IL16: variants seen among roughly 807,000 people sequenced by gnomAD.
IL16 encodes pro-interleukin-16.
A neutral mutation model predicts 110.1 loss-of-function variants in IL16; 67 were observed. That is an observed-to-expected ratio of 0.61 (90% CI 0.50 to 0.75). The LOEUF (loss-of-function observed/expected upper bound fraction) is 0.75. Among genes scored for constraint, IL16 ranks in the 30% least tolerant of loss-of-function variants. IL16 has a pLI of 0.00. For synonymous variants in IL16, 689 were observed against 662.9 expected, an observed-to-expected ratio of 1.04 and a Z score of -0.61; for missense variants, 1,545 against 1,655.0, an observed-to-expected ratio of 0.93 and a Z score of 1.15.
chr15:81,293,537 C>A (rs541976178), intron 12 of IL16, among the ~76,000 whole-genome samples: 2 of 152,254 alleles, frequency 1.3e-5, no homozygotes, highest in Non-Finnish European at 2.9e-5. Flanking sequence ...CCTGTCTCTA[C>A]TAACAATACA....
chr15:81,221,484 T>C (rs1369813470), intron 1 of IL16, among the ~76,000 whole-genome samples: 4 of 152,162 alleles, frequency 2.6e-5, no homozygotes, highest in Non-Finnish European at 5.9e-5. Context: ...TTTGGTTCCA[T>C]TAGGGAGCAA....
intron 1 of IL16, among the ~76,000 whole-genome samples, chr15:81,199,457 G>A (rs1895730255): frequency 6.6e-6 from 1 of 152,248 alleles, no homozygotes; most frequent in Non-Finnish European, 1.5e-5. Flanking sequence ...CACATCTGGA[G>A]ATGCTGGAGG....
intron 2 of IL16, among the ~76,000 whole-genome samples, chr15:81,230,707 A>G (rs776337523): frequency 5.9e-5 from 9 of 152,140 alleles, no homozygotes; most frequent in Non-Finnish European, 1.0e-4. Flanking sequence ...ATATTCCACA[A>G]TAATAGGATT....
intron 1 of IL16, among the ~76,000 whole-genome samples, chr15:81,214,764 T>C (rs549963059): frequency 2.6e-5 from 4 of 152,318 alleles, no homozygotes; most frequent in African/African-American, 7.2e-5. Context: ...TGCCAATGAA[T>C]TGTAGATTTG....
intron 10 of IL16, among the ~76,000 whole-genome samples, chr15:81,287,060 G>C (rs989681281): frequency 1.3e-5 from 2 of 152,176 alleles, no homozygotes; most frequent in African/African-American, 4.8e-5. Flanking sequence ...CACAACATGT[G>C]GGAATTATGG....
chr15:81,292,854 G>T lies in IL16; in HGVS notation c.1719G>T (p.Arg573=), dbSNP rs200974943. ...PQESPPLPES[R]DSHPPLRLKK... is the part of the protein sequence containing the mutation. Reference sequence around the variant, plus strand: ...AGAGCCCACCCCTCCCAGAGAGCCGGGACAGCCACCCGCCGCTGAGACTGA... The same window carrying T: ...AGAGCCCACCCCTCCCAGAGAGCCGTGACAGCCACCCGCCGCTGAGACTGA... The change falls in exon 12 of 19, where the codon CGG becomes CGT. Residue 573 remains arginine, a synonymous_variant. Coordinates refer to ENST00000683961, the MANE Select transcript of IL16 (RefSeq NM_172217.5). The T allele has an allele frequency of 2.4e-5, 38 of 1,613,880 alleles. No individual in the cohort carries two copies. The African/African-American group carries it at 3.7e-4, about 16-fold the overall frequency.
At chr15:81,216,349 C>A (rs1896431054) in intron 1 of IL16, among the ~76,000 whole-genome samples, 1 of 152,222 alleles carries the variant, frequency 6.6e-6, no homozygotes, top group Non-Finnish European at 1.5e-5. Flanking sequence ...TCAGTTCCCT[C>A]ACTCACTGCT....
intron 5 of IL16, among the ~76,000 whole-genome samples, chr15:81,272,188 A>G (rs2142250236): frequency 6.6e-6 from 1 of 152,332 alleles, no homozygotes; most frequent in East Asian, 1.9e-4. Flanking sequence ...TGCTTATTAG[A>G]CTCAAGCTAT....
intron 2 of IL16, among the ~76,000 whole-genome samples, chr15:81,239,790 T>A (rs1053777726): frequency 1.3e-5 from 2 of 151,376 alleles, no homozygotes; most frequent in Non-Finnish European, 2.9e-5. Context: ...TTTGTTTGTT[T>A]GTTTGTTTGT....
Position 81,313,550 on chromosome 15 carries a change from G to T in IL16, c.*4752G>T. ...CCCTTGCTGTGCCCTCCACCCAGGA[G>T]TCCTCTCTGGACCTGCTGATTTTCA... On this transcript the variant is annotated 3_prime_UTR_variant, in exon 19 of 19. Transcript: ENST00000683961. The T allele has an allele frequency of 1.5e-6, 1 of 670,016 alleles. No homozygotes were observed. Among genetic ancestry groups the T allele is most frequent in the Non-Finnish European group, 2.2e-6 (1 of 446,224 alleles). 41.5% of individuals were successfully genotyped at this position (670,016 alleles called of 1,614,324 possible).
chr15:81,271,805 A>G (rs1319886517), intron 5 of IL16, among the ~76,000 whole-genome samples: 2 of 152,046 alleles, frequency 1.3e-5, no homozygotes, highest in Non-Finnish European at 2.9e-5. Context: ...CACCACCTTC[A>G]CCAGAGGCTT....
At chr15:81,194,758 C>A (rs1301069333), upstream of IL16, among the ~76,000 whole-genome samples, 1 of 152,156 alleles carries the variant, frequency 6.6e-6, no homozygotes, top group Non-Finnish European at 1.5e-5. Context: ...ATGCTTCCTC[C>A]TCTATTGCCT....
intron 2 of IL16, among the ~76,000 whole-genome samples, chr15:81,238,397 A>G (rs920532817): frequency 6.6e-6 from 1 of 152,012 alleles, no homozygotes; most frequent in African/African-American, 2.4e-5. Context: ...TTTATTTATT[A>G]TGCTTTTGAG....
chr15:81,251,560 T>G (rs1897770048), intron 2 of IL16, among the ~76,000 whole-genome samples: 1 of 152,204 alleles, frequency 6.6e-6, no homozygotes, highest in Non-Finnish European at 1.5e-5. Context: ...GATGAACATC[T>G]TTGTATAGAC....
In IL16 at chr15:81,300,415, A is replaced by T. The variant is rs140544740; in HGVS notation, c.3089A>T (p.Glu1030Val). The T allele has an allele frequency of 7.0e-5, 113 of 1,614,040 alleles. No homozygotes were observed. The highest frequency in any genetic ancestry group is 1.1e-5 in the Non-Finnish European group (13 of 1,180,038). ...EGASPTSSSN[E>V]DSAANGSAET... ...GCATCTCCAACATCATCATCCAACGAAGACTCAGCTGCAAATGGTTCTGCT... is the reference window on the plus strand; with the variant it reads ...GCATCTCCAACATCATCATCCAACGTAGACTCAGCTGCAAATGGTTCTGCT... Residue 1030 changes from glutamate (E) to valine (V), a missense_variant, in exon 14 of 19, where the codon GAA becomes GTA. Glu to Val is a moderately radical substitution (Grantham distance 121, BLOSUM62 -2). This residue lies in a region of IL16 where 356 missense variants were observed against 399.3 expected (regional missense o/e 0.89). Coordinates refer to ENST00000683961, the MANE Select transcript of IL16 (RefSeq NM_172217.5).
intron 18 of IL16, among the ~76,000 whole-genome samples, chr15:81,307,431 C>G (rs760277896): frequency 6.6e-6 from 1 of 152,224 alleles, no homozygotes; most frequent in Non-Finnish European, 1.5e-5. Context: ...TGAGCTCCTG[C>G]TGCTGACTGG....
chr15:81,304,654 C>G (rs1279684651), intron 16 of IL16, among the ~76,000 whole-genome samples: 5 of 152,150 alleles, frequency 3.3e-5, no homozygotes, highest in Non-Finnish European at 7.4e-5. Flanking sequence ...GGCATTTATG[C>G]TTCTTTTATA....
At chr15:81,273,885 C>T (rs1898772621) in intron 6 of IL16, among the ~76,000 whole-genome samples, 1 of 152,008 alleles carries the variant, frequency 6.6e-6, no homozygotes, top group African/African-American at 2.4e-5. Flanking sequence ...GCCAGGGAAA[C>T]AGAGCTGCCT....
At chr15:81,208,162 T>C (rs1896105010) in intron 1 of IL16, among the ~76,000 whole-genome samples, 1 of 152,214 alleles carries the variant, frequency 6.6e-6, no homozygotes, top group African/African-American at 2.4e-5. Flanking sequence ...TCTTGGCTGC[T>C]AGTATGTCTT....
Sources: gnomAD v4.1 joint callset for allele counts (sites outside exome capture counted in the v4.1 genomes callset) on GRCh38, gnomAD v4.1.1 for gene constraint, gnomAD v4.1.1 regional missense constraint, MANE v1.5 for transcripts, NCBI Gene and HGNC (gene_info 2026-07-23, HGNC 2026-07-21) for gene names.